NCAM2: variants seen among roughly 807,000 people sequenced by gnomAD.
NCAM2 encodes the protein neural cell adhesion molecule 2, also known as N-CAM-2.
NCAM2 carries 30 observed loss-of-function variants against 98.1 expected under a neutral mutation model. The observed-to-expected ratio is 0.31, with a 90% CI of 0.23 to 0.41. The LOEUF (loss-of-function observed/expected upper bound fraction) is 0.41, where lower values mean the gene tolerates loss of function less well. Ranked by LOEUF, NCAM2 falls within the 10% of genes least tolerant of loss-of-function variation. The probability of loss-of-function intolerance (pLI) is 1.00; values close to 1 mark genes in which losing one functional copy is unlikely to be tolerated. For synonymous variants in NCAM2, 368 were observed against 342.4 expected (o/e 1.07, Z -0.83); for missense variants, 867 against 1,005.8 (o/e 0.86, Z 1.87).
At position 21,539,091 on chromosome 21, in the gene NCAM2, A is replaced by C. The variant is rs950158905; in HGVS notation, c.*1134A>C. The C allele has an allele frequency of 6.6e-6, 1 of 152,190 alleles. No individual in the cohort carries two copies. 9.4% of individuals were successfully genotyped at this position (152,190 alleles called of 1,614,324 possible). On this transcript the variant is annotated 3_prime_UTR_variant, in exon 18 of 18. Transcript: ENST00000400546. The stretch of plus-strand genomic sequence containing the variant: ...GTTCTATTCCGGATGTTCTAGCTAG[A>C]AGTCATTTTAAGATTTTGATAAACA...
chr21:21,417,691 C>T (rs1405714422), intron 10 of NCAM2, among the ~76,000 whole-genome samples: 3 of 151,908 alleles, frequency 2.0e-5, no homozygotes, highest in Admixed American at 1.3e-4. Context: ...ATAGAATCCC[C>T]GAAGGTTAAC....
chr21:21,501,617 CTTTT>C (rs5842933), intron 15 of NCAM2, among the ~76,000 whole-genome samples: 1 of 143,992 alleles, frequency 6.9e-6, no homozygotes, highest in African/African-American at 2.6e-5. Flanking sequence ...ATTAATGTTC[CTTTT>C]TTTTTTTTTG....
chr21:21,189,161 G>A (rs978443885), intron 1 of NCAM2, among the ~76,000 whole-genome samples: 13 of 152,230 alleles, frequency 8.5e-5, no homozygotes, highest in African/African-American at 3.1e-4. Context: ...TAATCCCATA[G>A]AAAATAATAA....
intron 16 of NCAM2, among the ~76,000 whole-genome samples, chr21:21,524,505 A>T (rs1249673890): frequency 6.6e-6 from 1 of 151,570 alleles, no homozygotes. Context: ...ACTCCAGCCT[A>T]TACAACAAGA....
chr21:21,466,845 G>A, intron 13 of NCAM2, 120 bp downstream of exon 13: 1 of 1,075,534 alleles, frequency 9.3e-7, no homozygotes, highest in South Asian at 1.6e-5. Context: ...TGTCTTTGGT[G>A]AAGTGGTTTC....
At chr21:21,140,077 T>A (rs529517954) in intron 1 of NCAM2, among the ~76,000 whole-genome samples, 15 of 152,280 alleles carry the variant, frequency 9.9e-5, no homozygotes, top group African/African-American at 3.6e-4. Flanking sequence ...TTCAAGAGTA[T>A]TTTTTATGGC....
chr21:21,361,460 G>T (rs867994569), intron 8 of NCAM2, among the ~76,000 whole-genome samples: 7 of 151,830 alleles, frequency 4.6e-5, no homozygotes, highest in Middle Eastern at 3.4e-3. Context: ...AACTCTCTTG[G>T]TTTTTTTCTT....
chr21:21,082,225 T>TTAAAAA (rs1555882202), intron 1 of NCAM2, among the ~76,000 whole-genome samples: 2 of 82,918 alleles, frequency 2.4e-5, no homozygotes, highest in African/African-American at 8.9e-5. Context: ...GAGAATCCTT[T>TTAAAAA]AAAAAAAAAA....
At chr21:21,196,604 G>GT (rs745801886) in intron 1 of NCAM2, among the ~76,000 whole-genome samples, 9 of 152,240 alleles carry the variant, frequency 5.9e-5, no homozygotes, top group Non-Finnish European at 1.0e-4. Context: ...TTCTAGAGGA[G>GT]TGAAGTGAGT....
intron 1 of NCAM2, among the ~76,000 whole-genome samples, chr21:21,181,381 T>C (rs961988225): frequency 2.0e-5 from 3 of 152,166 alleles, no homozygotes; most frequent in Non-Finnish European, 2.9e-5. Context: ...ACTGAAAACC[T>C]ATTTGGTATG....
intron 12 of NCAM2, among the ~76,000 whole-genome samples, chr21:21,460,890 G>T (rs1982875993): frequency 6.6e-6 from 1 of 151,098 alleles, no homozygotes; most frequent in Non-Finnish European, 1.5e-5. Flanking sequence ...AGAGAGAAGA[G>T]CATTTAATTA....
intron 12 of NCAM2, among the ~76,000 whole-genome samples, chr21:21,450,958 A>AATAT (rs112930722): frequency 6.6e-6 from 1 of 150,602 alleles, no homozygotes. Context: ...AAGAAGTAGG[A>AATAT]ATATATATAT....
At chr21:21,512,352 C>T (rs766048347) in intron 16 of NCAM2, among the ~76,000 whole-genome samples, 12 of 151,982 alleles carry the variant, frequency 7.9e-5, no homozygotes, top group Non-Finnish European at 1.8e-4. Flanking sequence ...TGAGACTTCC[C>T]TATCTCCAAT....
intron 1 of NCAM2, among the ~76,000 whole-genome samples, chr21:21,218,643 T>C (rs1002130719): frequency 6.6e-5 from 10 of 152,216 alleles, no homozygotes; most frequent in Admixed American, 6.5e-4. Flanking sequence ...TTTGCAACTT[T>C]ACTGACTTTG....
chr21:21,188,578 CT>C (rs2068715327), intron 1 of NCAM2, among the ~76,000 whole-genome samples: 1 of 152,058 alleles, frequency 6.6e-6, no homozygotes, highest in Non-Finnish European at 1.5e-5. Context: ...CTGATGTCCC[CT>C]TAATAGTAAG....
rs938362619 is a variant in NCAM2, at chr21:21,360,842, A to T, written c.1045-13021A>T. On this transcript the variant is annotated intron_variant, in intron 8 of 17. Transcript: ENST00000400546. ...TATTTAAAATTATGTTCCAGAACAT[A>T]ACGTAAATTCTTTCTGCTGCCTAGA... Among the ~76,000 whole-genome samples the T allele has an allele frequency of 2.0e-5, 3 of 152,184 alleles. No individual in the cohort carries two copies. In the South Asian group the frequency reaches 6.2e-4, roughly 31 times the overall value.
chr21:21,090,446 T>C (rs988881713), intron 1 of NCAM2, among the ~76,000 whole-genome samples: 3 of 152,164 alleles, frequency 2.0e-5, no homozygotes, highest in Non-Finnish European at 4.4e-5. Flanking sequence ...TGTTATTTTC[T>C]GGGAATAGTG....
intron 1 of NCAM2, among the ~76,000 whole-genome samples, chr21:21,275,234 A>AT (rs2072681769): frequency 6.6e-6 from 1 of 151,760 alleles, no homozygotes; most frequent in Non-Finnish European, 1.5e-5. Context: ...AGGTCAGGAG[A>AT]TTGAGACCAT....
At chr21:21,456,145 A>G (rs1372711376) in intron 12 of NCAM2, among the ~76,000 whole-genome samples, 1 of 152,178 alleles carries the variant, frequency 6.6e-6, no homozygotes, top group Non-Finnish European at 1.5e-5. Context: ...TAGCAAGAAC[A>G]GTTCATTCAT....
Sources: gnomAD v4.1 joint callset for allele counts (sites outside exome capture counted in the v4.1 genomes callset) on GRCh38, gnomAD v4.1.1 for gene constraint, MANE v1.5 for transcripts, NCBI Gene and HGNC (gene_info 2026-07-23, HGNC 2026-07-21) for gene names.